RABGEF1: variants seen among roughly 807,000 people sequenced by gnomAD.
The protein encoded by RABGEF1 is RAB guanine nucleotide exchange factor 1, also known as rab5 GDP/GTP exchange factor.
In RABGEF1, 26 loss-of-function variants were observed where a neutral mutation model predicts 57.3. That is an observed-to-expected ratio of 0.45 (90% CI 0.33 to 0.63). The LOEUF (loss-of-function observed/expected upper bound fraction) is 0.63, where lower values mean the gene tolerates loss of function less well. Among genes scored for constraint, RABGEF1 ranks in the 20% least tolerant of loss-of-function variants. The pLI, the probability that RABGEF1 is intolerant of heterozygous loss-of-function variation, is 0.02. For synonymous variants in RABGEF1, 185 were observed against 210.7 expected, an observed-to-expected ratio of 0.88 and a Z score of 1.06; for missense variants, 464 against 607.6, an observed-to-expected ratio of 0.76 and a Z score of 2.48.
At chr7:66,760,840 G>A (rs1348175936) in intron 1 of RABGEF1, among the ~76,000 whole-genome samples, 1 of 152,002 alleles carries the variant, frequency 6.6e-6, no homozygotes, top group Non-Finnish European at 1.5e-5. Context: ...TGTTGCCCAG[G>A]CTGGTCTTGA....
At chr7:66,665,033 A>G in the RABGEF1 span, 2 of 152,178 alleles carry the variant, frequency 1.3e-5, no homozygotes, top group African/African-American at 2.4e-5. Flanking sequence ...CATCCACTGT[A>G]TGCCACACAG....
chr7:66,686,258 G>A lies in RABGEF1; in HGVS notation c.-873+4000G>A, dbSNP rs186282535. ...ATTGTGCCACTGCACTCCATCCTGG[G>A]CAACAAAGTGAGACTCTGTCTCAAA... On this transcript the variant is annotated intron_variant and NMD_transcript_variant, in intron 1 of 9. Coordinates refer to the RABGEF1 transcript ENST00000607882. Among the ~76,000 whole-genome samples the A allele has an allele frequency of 4.1e-4, 62 of 149,960 alleles. 1 individual carries two copies. The East Asian group carries it at 0.011, about 27-fold the overall frequency.
chr7:66,691,519 A>G (rs1022368703), intron 1 of RABGEF1, among the ~76,000 whole-genome samples: 1 of 152,178 alleles, frequency 6.6e-6, no homozygotes, highest in Non-Finnish European at 1.5e-5. Context: ...ACATATACAC[A>G]TGGTCTGTGA....
chr7:66,793,984 G>A (rs1258097875), intron 4 of RABGEF1, among the ~76,000 whole-genome samples: 1 of 152,054 alleles, frequency 6.6e-6, no homozygotes, highest in East Asian at 1.9e-4. Flanking sequence ...AGAACCGTTG[G>A]GAGAAATTTT....
At chr7:66,771,137 A>T (rs766116660) in intron 1 of RABGEF1, among the ~76,000 whole-genome samples, 5 of 151,724 alleles carry the variant, frequency 3.3e-5, no homozygotes, top group Non-Finnish European at 5.9e-5. Flanking sequence ...TTTAATTTTT[A>T]AAAATTTTTT....
At chr7:66,768,586 A>G (rs1806320108) in intron 1 of RABGEF1, among the ~76,000 whole-genome samples, 1 of 152,160 alleles carries the variant, frequency 6.6e-6, no homozygotes, top group South Asian at 2.1e-4. Flanking sequence ...TGTGGCTTTA[A>G]TGTCAGTTCA....
At chr7:66,754,204 A>C (rs1341562727) in intron 1 of RABGEF1, among the ~76,000 whole-genome samples, 3 of 147,982 alleles carry the variant, frequency 2.0e-5, no homozygotes, top group Non-Finnish European at 4.5e-5. Flanking sequence ...GGGTTTCACT[A>C]TGTTAGCCAG....
chr7:66,723,056 C>T (rs1796221733), intron 2 of RABGEF1, among the ~76,000 whole-genome samples: 1 of 152,090 alleles, frequency 6.6e-6, no homozygotes, highest in African/African-American at 2.4e-5. Context: ...GCAACCTCCA[C>T]CTCCTGAGTT....
chr7:66,729,067 C>T (rs755866176), intron 2 of RABGEF1, among the ~76,000 whole-genome samples: 27 of 151,864 alleles, frequency 1.8e-4, no homozygotes, highest in Non-Finnish European at 3.5e-4. Flanking sequence ...TCTCCTGCCT[C>T]AGCCTCCCGA....
At chr7:66,797,719 G>A (rs1000026947) in intron 6 of RABGEF1, among the ~76,000 whole-genome samples, 2 of 152,240 alleles carry the variant, frequency 1.3e-5, no homozygotes, top group Admixed American at 1.3e-4. Flanking sequence ...TTTGGTAAGA[G>A]TTGTGTTTGG....
In RABGEF1 at chr7:66,809,105, A is replaced by G. The variant is rs773680020; in HGVS notation, c.1297A>G (p.Lys433Glu). The change falls in exon 9 of 9, where the codon AAA (lysine) becomes GAA (glutamate). Residue 433 changes from lysine to glutamate, a missense_variant. Physicochemically the swap from Lys to Glu is moderately conservative, Grantham distance 56. Coordinates refer to ENST00000284957, the MANE Select transcript of RABGEF1 (RefSeq NM_014504.3). The stretch of plus-strand genomic sequence containing the variant: ...AGAAAGGATCATGAATGAAGCCAAG[A>G]AACTGGAAAAAGACCTCATAGATTG... ...RQERIMNEAK[K>E]LEKDLIDWTD... 1.3e-5 allele frequency: 21 copies of G among 1,614,052 alleles called. No homozygotes were observed. The highest frequency in any genetic ancestry group is 1.7e-5 in the Non-Finnish European group (20 of 1,180,022).
chr7:66,678,390 C>G (rs1789440351), upstream of RABGEF1, among the ~76,000 whole-genome samples: 2 of 151,732 alleles, frequency 1.3e-5, no homozygotes, highest in South Asian at 2.1e-4. Flanking sequence ...ACGGTGAAAC[C>G]CTGTTTCTAC....
intron 2 of RABGEF1, among the ~76,000 whole-genome samples, chr7:66,729,624 C>G (rs1157907332): frequency 6.6e-6 from 1 of 151,936 alleles, no homozygotes; most frequent in African/African-American, 2.4e-5. Context: ...CTGTCCTTAC[C>G]TCCATTCTCA....
chr7:66,795,706 T>C (rs1263648481), intron 5 of RABGEF1, 114 bp downstream of exon 5: 4 of 958,016 alleles, frequency 4.2e-6, no homozygotes, highest in Non-Finnish European at 6.7e-6. Flanking sequence ...CTTCATCCTG[T>C]AACCTCATGG....
At chr7:66,736,175 T>G (rs1391250848), upstream of RABGEF1, among the ~76,000 whole-genome samples, 2 of 152,150 alleles carry the variant, frequency 1.3e-5, no homozygotes, top group Non-Finnish European at 2.9e-5. Context: ...TCAAGACCCC[T>G]AGTCATAGGT....
At chr7:66,705,897 TTTTTTTTTTTTTTTTTG>T in intron 1 of RABGEF1, among the ~76,000 whole-genome samples, 1 of 117,546 alleles carries the variant, frequency 8.5e-6, no homozygotes, top group Non-Finnish European at 1.8e-5. Flanking sequence ...TTTTTTTTTT[TTTTTTTTTTTTTTTTTG>T]AGACGGAGTC....
intron 1 of RABGEF1, among the ~76,000 whole-genome samples, chr7:66,699,277 T>G (rs1465087440): frequency 6.6e-6 from 1 of 152,212 alleles, no homozygotes; most frequent in African/African-American, 2.4e-5. Flanking sequence ...TTCTGCCTCA[T>G]TCTCTGTTCC....
At chr7:66,738,438 C>T (rs1384777155), upstream of RABGEF1, among the ~76,000 whole-genome samples, 4 of 152,176 alleles carry the variant, frequency 2.6e-5, no homozygotes, top group Admixed American at 1.3e-4. Context: ...CCATTGAACA[C>T]TCATTCTGGG....
At chr7:66,772,134 T>C in intron 2 of RABGEF1, 56 bp downstream of exon 2, 4 of 1,279,348 alleles carry the variant, frequency 3.1e-6, no homozygotes, top group Non-Finnish European at 4.1e-6. Flanking sequence ...TACATAGTTC[T>C]GTCACCGTCT....
Sources: allele counts gnomAD v4.1 joint callset (sites outside exome capture counted in the v4.1 genomes callset), GRCh38; gene constraint gnomAD v4.1.1; transcripts MANE v1.5; gene names NCBI Gene and HGNC (gene_info 2026-07-23, HGNC 2026-07-21).